Variants in TIAM1 observed in about 807,000 individuals in gnomAD.
TIAM1 encodes rho guanine nucleotide exchange factor TIAM1.
Under a neutral mutation model 163.5 loss-of-function variants are expected in TIAM1, and 65 were observed. The observed-to-expected ratio is 0.40, with a 90% confidence interval of 0.33 to 0.49. The LOEUF is 0.49. TIAM1 is among the 20% of genes least tolerant of loss of function. The probability of loss-of-function intolerance (pLI) is 0.77; values close to 1 mark genes in which losing one functional copy is unlikely to be tolerated. For missense variants in TIAM1, 1,789 were observed against 2,044.7 expected, an observed-to-expected ratio of 0.87 and a Z score of 2.41; for synonymous variants, 833 against 810.1, an observed-to-expected ratio of 1.03 and a Z score of -0.48.
intron 1 of TIAM1, among the ~76,000 whole-genome samples, chr21:31,340,794 CA>C (rs919273839): frequency 5.7e-4 from 72 of 127,352 alleles, no homozygotes; most frequent in African/African-American, 2.0e-3. Flanking sequence ...TAAAGGCAGG[CA>C]AAAAAAAAGG....
At chr21:31,134,066 C>T (rs1329604539) in intron 23 of TIAM1, among the ~76,000 whole-genome samples, 4 of 152,084 alleles carry the variant, frequency 2.6e-5, no homozygotes, top group Admixed American at 6.5e-5. Context: ...GACTCCATCC[C>T]CCCAGAAAAA....
chr21:31,188,489 A>G (rs148367849), intron 13 of TIAM1, among the ~76,000 whole-genome samples: 1 of 152,368 alleles, frequency 6.6e-6, no homozygotes, highest in East Asian at 1.9e-4. Context: ...GCTACGTCAT[A>G]GGAAAGAATG....
chr21:31,211,508 G>A (rs1484803347), intron 10 of TIAM1, among the ~76,000 whole-genome samples: 1 of 152,104 alleles, frequency 6.6e-6, no homozygotes, highest in African/African-American at 2.4e-5. Flanking sequence ...TTACAAGAAG[G>A]AACAAATTTC....
At chr21:31,468,492 A>C (rs1490746015) in intron 1 of TIAM1, among the ~76,000 whole-genome samples, 1 of 150,678 alleles carries the variant, frequency 6.6e-6, no homozygotes, top group Non-Finnish European at 1.5e-5. Context: ...CAAAAAAAAA[A>C]AAGACCGGGC....
At chr21:31,351,204 A>G (rs1018738978) in intron 2 of TIAM1, among the ~76,000 whole-genome samples, 3 of 152,224 alleles carry the variant, frequency 2.0e-5, no homozygotes, top group African/African-American at 7.2e-5. Context: ...CTCTATATGT[A>G]AGAGAAGAAA....
intron 15 of TIAM1, 86 bp downstream of exon 15, chr21:31,182,335 C>A: frequency 8.3e-7 from 1 of 1,203,374 alleles, no homozygotes; most frequent in Non-Finnish European, 1.1e-6. Context: ...GAGGCACTCA[C>A]TGAAACACAC....
rs781704828 is a variant in TIAM1, at chr21:31,124,596, G to A, written c.4232C>T (p.Ser1411Phe). The change falls in exon 27 of 28, where the codon TCC becomes TTC. Residue 1411 changes from serine to phenylalanine, a missense_variant. Around this residue, in one of 5 missense-constraint regions of TIAM1, gnomAD observed 415 missense variants for 439.2 expected, o/e 0.94. Coordinates refer to ENST00000541036, the MANE Select transcript of TIAM1 (RefSeq NM_001353694.2). ...QLLKTESLPSSQQYVPFGGKR... is the reference protein window; with the variant it reads ...QLLKTESLPSFQQYVPFGGKR... ...GCCTCCAAAAGGGACATATTGCTGG[G>A]ATGAGGGAAGGCTCTCGGTTTTGAG... 18 of 1,613,870 alleles carry A rather than the reference G, an allele frequency of 1.1e-5. No homozygotes were observed. Among genetic ancestry groups the A allele is most frequent in the Admixed American group, 3.3e-5 (2 of 59,994 alleles).
Position 31,152,941 on chromosome 21 carries a change from T to G in TIAM1, c.3240+125A>C, listed in dbSNP as rs1399045828. 3.1e-6 allele frequency: 4 copies of G among 1,279,482 alleles called. No individual in the cohort carries two copies. In the African/African-American group the frequency reaches 6.0e-5, roughly 19 times the overall value. 79.3% of individuals were successfully genotyped at this position (1,279,482 alleles called of 1,614,324 possible). ...CACCAAAGCTTAGCAGGCAATAATT[T>G]CAGCTAGTTACAATTAAATAAATTT... On this transcript the variant is annotated intron_variant, in intron 18 of 27. Coordinates refer to ENST00000541036, the MANE Select transcript of TIAM1 (RefSeq NM_001353694.2).
At chr21:31,222,705 ATATTTTTTTTTT>A (rs1490098834) in intron 8 of TIAM1, among the ~76,000 whole-genome samples, 8 of 35,180 alleles carry the variant, frequency 2.3e-4, no homozygotes, top group Admixed American at 5.7e-4. Flanking sequence ...ATATATATAT[ATATTTTTTTTTT>A]TTTTTTTTTT....
Position 31,202,944 on chromosome 21 carries a change from G to A in TIAM1, c.2457C>T (p.Leu819=). 6.2e-7 allele frequency: 1 copy of A among 1,614,148 alleles called. No homozygotes were observed. The highest frequency in any genetic ancestry group is 1.6e-4 in the Middle Eastern group (1 of 6,062). ...LKFLIENKMQ[L]YVPQPEEDIY... is the part of the protein sequence containing the mutation. ...TGTCTTCCTCGGGCTGTGGAACATA[G>A]AGCTGCATTTTGTTTTCTATTAGAA... Residue 819 remains leucine, a synonymous_variant, in exon 12 of 28, where the codon CTC becomes CTT. Coordinates refer to ENST00000541036, the MANE Select transcript of TIAM1 (RefSeq NM_001353694.2).
At chr21:31,421,077 G>T (rs1048528760) in intron 2 of TIAM1, among the ~76,000 whole-genome samples, 6 of 151,188 alleles carry the variant, frequency 4.0e-5, no homozygotes, top group Non-Finnish European at 7.4e-5. Context: ...AGTGCAGTGA[G>T]CCGAGATCAT....
chr21:31,266,843 A>G lies in TIAM1; in HGVS notation c.130T>C (p.Ser44Pro). Residue 44 changes from serine (S) to proline (P), a missense_variant, in exon 4 of 28, where the codon TCG (serine) becomes CCG (proline). Coordinates refer to ENST00000541036, the MANE Select transcript of TIAM1 (RefSeq NM_001353694.2). ...HKTRRTRHAS[S>P]GKVIHRNSEV... ...GAGTTCCTGTGGATCACCTTCCCCG[A>G]GGAAGCGTGCCTGGTCCTCCGCGTC... The G allele has an allele frequency of 6.2e-7, 1 of 1,614,140 alleles. No homozygotes were observed. Among genetic ancestry groups the G allele is most frequent in the South Asian group, 1.1e-5 (1 of 91,090 alleles).
chr21:31,254,149 C>T (rs893023114), intron 4 of TIAM1, among the ~76,000 whole-genome samples: 3 of 152,334 alleles, frequency 2.0e-5, no homozygotes, highest in Non-Finnish European at 4.4e-5. Context: ...GGTAACATCC[C>T]TATTCCATAA....
At position 31,182,603 on chromosome 21, in the gene TIAM1, G is replaced by A. The variant is rs2085087097; in HGVS notation, c.2705C>T (p.Ala902Val). ...CATAGAAGAGTTCAGGGCGTCAGCA[G>A]CACGATTATTGATCTCAAGAATCTC... ...GDEILEINNRAADALNSSMLK... is the reference protein window; with the variant it reads ...GDEILEINNRVADALNSSMLK... Residue 902 changes from alanine (A) to valine (V), a missense_variant, in exon 15 of 28, where the codon GCT (alanine) becomes GTT (valine). Coordinates refer to ENST00000541036, the MANE Select transcript of TIAM1 (RefSeq NM_001353694.2). 1 of 1,613,494 alleles carries A rather than the reference G, an allele frequency of 6.2e-7. No homozygotes were observed. Among genetic ancestry groups the A allele is most frequent in the Non-Finnish European group, 8.5e-7 (1 of 1,179,780 alleles).
chr21:31,193,220 G>T (rs1442866505), intron 13 of TIAM1, among the ~76,000 whole-genome samples: 13 of 152,220 alleles, frequency 8.5e-5, no homozygotes, highest in South Asian at 2.1e-4. Flanking sequence ...TCTTCGAAAG[G>T]CCCGCTTACA....
At chr21:31,465,531 C>CTTA (rs987695491) in intron 1 of TIAM1, among the ~76,000 whole-genome samples, 2 of 151,098 alleles carry the variant, frequency 1.3e-5, no homozygotes, top group African/African-American at 4.9e-5. Context: ...GAGAACCAGC[C>CTTA]TATAAGGGCA....
At chr21:31,516,269 G>A (rs190532857) in intron 1 of TIAM1, among the ~76,000 whole-genome samples, 22 of 152,020 alleles carry the variant, frequency 1.4e-4, no homozygotes, top group Middle Eastern at 3.4e-3. Context: ...AAAATTAGCC[G>A]GGAGTGGTGG....
intron 1 of TIAM1, among the ~76,000 whole-genome samples, chr21:31,544,030 C>T (rs550136586): frequency 1.6e-3 from 239 of 151,724 alleles, no homozygotes; most frequent in African/African-American, 5.7e-3. Flanking sequence ...GCGAACACAG[C>T]GAAAACCCAT....
chr21:31,545,466 G>A (rs2048457054), intron 1 of TIAM1, among the ~76,000 whole-genome samples: 1 of 152,154 alleles, frequency 6.6e-6, no homozygotes. Context: ...TAAATGTCTT[G>A]GAAATCATCA....
Sources: gnomAD v4.1 joint callset for allele counts (sites outside exome capture counted in the v4.1 genomes callset) on GRCh38, gnomAD v4.1.1 for gene constraint, gnomAD v4.1.1 regional missense constraint, MANE v1.5 for transcripts, NCBI Gene and HGNC (gene_info 2026-07-23, HGNC 2026-07-21) for gene names.